The following KMT2A variants were observed in gnomAD, a reference collection of about 807,000 sequenced individuals.
KMT2A encodes lysine methyltransferase 2A.
A neutral mutation model predicts 345.3 loss-of-function variants in KMT2A; 16 were observed. The observed-to-expected ratio is 0.05, with a 90% CI of 0.03 to 0.07. The LOEUF is 0.07. Among genes scored for constraint, KMT2A ranks in the 10% least tolerant of loss-of-function variants. The pLI is 1.00. For missense variants in KMT2A, 3,272 were observed against 4,841.6 expected (o/e 0.68, Z 9.62); for synonymous variants, 1,599 against 1,778.6 (o/e 0.90, Z 2.54).
At position 118,521,374 on chromosome 11, in the gene KMT2A, G is replaced by A. The variant is rs2135294477; in HGVS notation, c.11600G>A (p.Arg3867His). 6.2e-7 allele frequency: 1 copy of A among 1,613,964 alleles called. No homozygotes were observed. The highest frequency in any genetic ancestry group is 1.1e-5 in the South Asian group (1 of 91,068). ...ATTGAGTATGCCGGCAACGTCATCC[G>A]CTCCATCCAGACTGACAAGCGGGAA... Reference protein sequence around the residue: ...MVIEYAGNVIRSIQTDKREKY... With the variant: ...MVIEYAGNVIHSIQTDKREKY... Residue 3867 changes from arginine (R) to histidine (H), a missense_variant, in exon 35 of 36, where the codon CGC becomes CAC. This residue lies in a region of KMT2A where 78 missense variants were observed against 254.5 expected (regional missense o/e 0.31). Transcript: ENST00000534358. This position sits in a 1 kb window ranked among gnomAD's most constrained non-coding sequence, Gnocchi z 5.3.
At chr11:118,500,579 C>T (rs1386684884) in intron 24 of KMT2A, 1 of 156,198 alleles carries the variant, frequency 6.4e-6, no homozygotes, top group Non-Finnish European at 1.4e-5. Flanking sequence ...TCTCATGGGG[C>T]TCTTCTCCCA....
intron 15 of KMT2A, 118 bp from the exon 16 acceptor site, chr11:118,492,939 G>T: frequency 2.6e-6 from 2 of 767,644 alleles, no homozygotes; most frequent in South Asian, 2.3e-5. Context: ...TTATTTTCAT[G>T]TTCCTTGGGT....
rs782176578 is a variant in KMT2A, at chr11:118,504,953, A to G, written c.9061A>G (p.Asn3021Asp). ...TGGTTCAGTAGAGCAAGGTCATGGC[A>G]ACAATCAGGATTTAACTAGGAACAG... Reference protein sequence around the residue: ...PCGSVEQGHGNNQDLTRNSST... With the variant: ...PCGSVEQGHGDNQDLTRNSST... The change falls in exon 27 of 36, where the codon AAC becomes GAC. Residue 3021 changes from asparagine (N) to aspartate (D), a missense_variant. Transcript: ENST00000534358. The surrounding 1 kb of genome is among the most constrained non-coding windows in gnomAD (Gnocchi z 6.4). 1 of 1,614,206 alleles carries G rather than the reference A, an allele frequency of 6.2e-7. No individual in the cohort carries two copies. Among genetic ancestry groups the G allele is most frequent in the Non-Finnish European group, 8.5e-7 (1 of 1,180,040 alleles).
At chr11:118,452,064 T>C (rs1949550759) in intron 1 of KMT2A, among the ~76,000 whole-genome samples, 1 of 152,156 alleles carries the variant, frequency 6.6e-6, no homozygotes, top group South Asian at 2.1e-4. Context: ...GAGGTCTCAC[T>C]ATGTTACCTG....
In KMT2A at chr11:118,494,877, G is replaced by A. The variant is rs1053261394; in HGVS notation, c.5363+110G>A. ...AAGGTTTTAATACTAGAAATGAATT[G>A]GTTGAAATGCCTTTTCGGTGTGGTT... On this transcript the variant is annotated intron_variant, in intron 18 of 35. Transcript: ENST00000534358. This position sits in a 1 kb window ranked among gnomAD's most constrained non-coding sequence, Gnocchi z 5.8. 10 of 804,176 alleles carry A rather than the reference G, an allele frequency of 1.2e-5. No homozygotes were observed. In the African/African-American group the frequency reaches 1.7e-4, roughly 14 times the overall value. The allele number at this position is 804,176 out of a possible 1,614,324, so 49.8% of individuals were successfully genotyped here.
In KMT2A at chr11:118,491,618, G is replaced by A. The variant is rs1950325263; in HGVS notation, c.4820-126G>A. 2 of 724,058 alleles carry A rather than the reference G, an allele frequency of 2.8e-6. No individual in the cohort carries two copies. Among genetic ancestry groups the A allele is most frequent in the Admixed American group, 3.1e-5 (1 of 32,646 alleles). 44.9% of individuals were successfully genotyped at this position (724,058 alleles called of 1,614,324 possible). A position where few individuals can be genotyped will look rare whatever the true frequency, so the allele number is the denominator to read the frequency against. ...AGATCAATATGTGTCATATCCATGA[G>A]GACATTAAAATCTTAATGTGGTTCC... On this transcript the variant is annotated intron_variant, in intron 14 of 35. Transcript: ENST00000534358. The surrounding 1 kb of genome is among the most constrained non-coding windows in gnomAD (Gnocchi z 4.2).
chr11:118,465,567 A>G (rs1460066695), intron 1 of KMT2A, among the ~76,000 whole-genome samples: 1 of 152,212 alleles, frequency 6.6e-6, no homozygotes, highest in Non-Finnish European at 1.5e-5. Context: ...TGAGGGATAG[A>G]TACAGTAAGT....
At position 118,526,331 on chromosome 11, in the gene KMT2A, CT is replaced by C. The variant is rs1211538375; in HGVS notation, c.*4160del. ...CCTGCATTTAGGGGAAAATTGTGTT[CT>C]GTGCTTTCCTGGTATCTTGTTCCGA... On this transcript the variant is annotated 3_prime_UTR_variant, in exon 36 of 36. Coordinates refer to ENST00000534358, the MANE Select transcript of KMT2A (RefSeq NM_001197104.2). 8.9e-6 allele frequency: 2 copies of C among 224,700 alleles called. No homozygotes were observed. The highest frequency in any genetic ancestry group is 4.5e-5 in the African/African-American group (2 of 44,836). 13.9% of individuals were successfully genotyped at this position (224,700 alleles called of 1,614,324 possible). A position where few individuals can be genotyped will look rare whatever the true frequency, so the allele number is the denominator to read the frequency against.
chr11:118,487,204 T>C (rs1281821546), intron 10 of KMT2A, among the ~76,000 whole-genome samples: 1 of 152,194 alleles, frequency 6.6e-6, no homozygotes, highest in Non-Finnish European at 1.5e-5. Context: ...TTTGCACCCA[T>C]ATATATGCCA....
At chr11:118,466,885 G>A (rs1194926729) in intron 1 of KMT2A, among the ~76,000 whole-genome samples, 1 of 151,984 alleles carries the variant, frequency 6.6e-6, no homozygotes, top group Non-Finnish European at 1.5e-5. Context: ...AGTGATGAAA[G>A]AAGAAACTGT....
chr11:118,519,908 T>C, intron 32 of KMT2A, 49 bp from the exon 33 acceptor site: 1 of 1,568,754 alleles, frequency 6.4e-7, no homozygotes. Context: ...CATCCTTTAC[T>C]GCTTTATTAA....
chr11:118,457,666 C>T (rs1257142550), intron 1 of KMT2A, among the ~76,000 whole-genome samples: 2 of 151,760 alleles, frequency 1.3e-5, no homozygotes, highest in Non-Finnish European at 2.9e-5. Context: ...ATGCCACATT[C>T]TTTTGTGTCT....
rs2134427222 is a variant in KMT2A at position 118,509,177 on chromosome 11, C to T, written c.10877C>T (p.Pro3626Leu). ...CCGGAAGTTCAGGTGACCCAAAATCCAGCAAATGAACAAGAAAGTGCAGGT... is the reference window on the plus strand; with the variant it reads ...CCGGAAGTTCAGGTGACCCAAAATCTAGCAAATGAACAAGAAAGTGCAGGT... ...VLPEVQVTQNPANEQESAEPK... is the reference protein window; with the variant it reads ...VLPEVQVTQNLANEQESAEPK... The change falls in exon 29 of 36, where the codon CCA becomes CTA. Residue 3626 changes from proline (P) to leucine (L), a missense_variant. This residue lies in a region of KMT2A where 748 missense variants were observed against 922.2 expected (regional missense o/e 0.81). Coordinates refer to ENST00000534358, the MANE Select transcript of KMT2A (RefSeq NM_001197104.2). 1 of 1,613,702 alleles carries T rather than the reference C, an allele frequency of 6.2e-7. No homozygotes were observed. The highest frequency in any genetic ancestry group is 8.5e-7 in the Non-Finnish European group (1 of 1,179,780).
In KMT2A at chr11:118,471,978, A is replaced by G; in HGVS notation, c.819A>G (p.Leu273=). Residue 273 remains leucine (L), a synonymous_variant, in exon 3 of 36, where the codon TTA becomes TTG. Transcript: ENST00000534358. ...TFQQATKIKK[L]RAGKLSPLKS... Reference sequence around the variant, plus strand: ...AGCAAGCCACAAAGATTAAAAAATTAAGAGCAGGTAAACTCTCTCCTCTCA... The same window carrying G: ...AGCAAGCCACAAAGATTAAAAAATTGAGAGCAGGTAAACTCTCTCCTCTCA... The G allele has an allele frequency of 6.2e-7, 1 of 1,614,162 alleles. No homozygotes were observed. The highest frequency in any genetic ancestry group is 1.1e-5 in the South Asian group (1 of 91,082).
chr11:118,477,951 C>T lies in KMT2A; in HGVS notation c.3335-16C>T, dbSNP rs1950068092. 1 of 1,607,304 alleles carries T rather than the reference C, an allele frequency of 6.2e-7. No homozygotes were observed. Among genetic ancestry groups the T allele is most frequent in the Non-Finnish European group, 8.5e-7 (1 of 1,174,226 alleles). Reference sequence around the variant, plus strand: ...TTCAGTACTCCCTTGGAACTAATGCCACATTTCTTTAACAGACAAGTCATC... The same window carrying T: ...TTCAGTACTCCCTTGGAACTAATGCTACATTTCTTTAACAGACAAGTCATC... On this transcript the variant is annotated splice_polypyrimidine_tract_variant and intron_variant, in intron 4 of 35. Transcript: ENST00000534358.
chr11:118,496,422 T>G lies in KMT2A; in HGVS notation c.5664+55T>G. On this transcript the variant is annotated intron_variant, in intron 20 of 35. Coordinates refer to ENST00000534358, the MANE Select transcript of KMT2A (RefSeq NM_001197104.2). This position sits in a 1 kb window ranked among gnomAD's most constrained non-coding sequence, Gnocchi z 4.7. ...TAATACATACTCCAAAAGAACTGTT[T>G]GTCCTTGTGTCCATACTTGATGACT... 1 of 1,206,998 alleles carries G rather than the reference T, an allele frequency of 8.3e-7. No homozygotes were observed. The highest frequency in any genetic ancestry group is 1.2e-6 in the Non-Finnish European group (1 of 811,158). 74.8% of individuals were successfully genotyped at this position (1,206,998 alleles called of 1,614,324 possible). A position where few individuals can be genotyped will look rare whatever the true frequency, so the allele number is the denominator to read the frequency against.
At position 118,524,944 on chromosome 11, in the gene KMT2A, T is replaced by C; in HGVS notation, c.*2772T>C. The C allele has an allele frequency of 4.9e-6, 1 of 205,678 alleles. No homozygotes were observed. Among genetic ancestry groups the C allele is most frequent in the Non-Finnish European group, 1.0e-5 (1 of 100,336 alleles). The allele number at this position is 205,678 out of a possible 1,614,324, so 12.7% of individuals were successfully genotyped here. ...CCCACAGCTTCCTTCTCCTGCCAGCTGCAGATGGTTTGCCTTGCCTTTCCA... is the reference window on the plus strand; with the variant it reads ...CCCACAGCTTCCTTCTCCTGCCAGCCGCAGATGGTTTGCCTTGCCTTTCCA... On this transcript the variant is annotated 3_prime_UTR_variant, in exon 36 of 36. Transcript: ENST00000534358.
chr11:118,508,076 C>A (rs185632002), intron 28 of KMT2A, among the ~76,000 whole-genome samples: 23 of 152,248 alleles, frequency 1.5e-4, no homozygotes, highest in Non-Finnish European at 2.9e-4. Flanking sequence ...AAAAATATAA[C>A]AAGAATTATT....
chr11:118,451,385 T>G (rs782290138), intron 1 of KMT2A, among the ~76,000 whole-genome samples: 19 of 151,602 alleles, frequency 1.3e-4, no homozygotes, highest in Admixed American at 6.6e-4. Flanking sequence ...TAATTTTTAA[T>G]TTTCTTTTCT....
Sources: gnomAD v4.1 joint callset for allele counts (sites outside exome capture counted in the v4.1 genomes callset) on GRCh38, gnomAD v4.1.1 for gene constraint, gnomAD v4.1.1 regional missense constraint, Gnocchi (gnomAD v3.1) non-coding constraint, MANE v1.5 for transcripts, NCBI Gene and HGNC (gene_info 2026-07-23, HGNC 2026-07-21) for gene names.